The following SLC16A10 variants were observed in gnomAD, a reference collection of about 807,000 sequenced individuals.
SLC16A10 encodes the protein monocarboxylate transporter 10.
A neutral mutation model predicts 40.0 loss-of-function variants in SLC16A10; 27 were observed. The ratio of observed to expected loss-of-function variants is 0.67; its 90% CI spans 0.50 to 0.93. The LOEUF (loss-of-function observed/expected upper bound fraction) is 0.93, where lower values mean the gene tolerates loss of function less well. Among genes scored for constraint, SLC16A10 ranks in the 40% least tolerant of loss-of-function variants. The probability of loss-of-function intolerance (pLI) is 0.00; values close to 1 mark genes in which losing one functional copy is unlikely to be tolerated. For synonymous variants in SLC16A10, 213 were observed against 249.8 expected, an observed-to-expected ratio of 0.85 and a Z score of 1.39; for missense variants, 529 against 658.2, an observed-to-expected ratio of 0.80 and a Z score of 2.15.
At chr6:111,144,780 T>C (rs1443355782) in intron 1 of SLC16A10, among the ~76,000 whole-genome samples, 2 of 152,248 alleles carry the variant, frequency 1.3e-5, no homozygotes, top group African/African-American at 4.8e-5. Context: ...ATACTTTATG[T>C]AGTTTATTGC....
chr6:111,212,176 A>AC (rs1773356270), intron 4 of SLC16A10, among the ~76,000 whole-genome samples: 1 of 151,894 alleles, frequency 6.6e-6, no homozygotes, highest in East Asian at 1.9e-4. Flanking sequence ...AAGCCAGTTC[A>AC]CCCCAGTTCT....
At chr6:111,105,301 C>T (rs183713207) in intron 1 of SLC16A10, among the ~76,000 whole-genome samples, 1 of 152,276 alleles carries the variant, frequency 6.6e-6, no homozygotes, top group Admixed American at 6.5e-5. Flanking sequence ...ACTGAGCCAA[C>T]TACTTCATTC....
At chr6:111,157,255 T>C (rs1369911071) in intron 1 of SLC16A10, among the ~76,000 whole-genome samples, 1 of 151,886 alleles carries the variant, frequency 6.6e-6, no homozygotes, top group Non-Finnish European at 1.5e-5. Flanking sequence ...AAGTTTCACA[T>C]TTTGATCGTA....
intron 5 of SLC16A10, 54 bp from the exon 6 acceptor site, chr6:111,221,949 C>A: frequency 6.5e-7 from 1 of 1,536,646 alleles, no homozygotes; most frequent in Non-Finnish European, 8.7e-7. Flanking sequence ...CTGATCTAGA[C>A]CCCCTACAGA....
At chr6:111,176,655 C>G (rs1332618494) in intron 2 of SLC16A10, among the ~76,000 whole-genome samples, 1 of 152,220 alleles carries the variant, frequency 6.6e-6, no homozygotes, top group Non-Finnish European at 1.5e-5. Context: ...CCAGCAAAAA[C>G]AGGCACAACT....
Position 111,222,687 on chromosome 6 carries a change from C to T in SLC16A10, c.*452C>T. Reference sequence around the variant, plus strand: ...TGGAAACTTTTTGCAAAATTTAAGCCTGGGTTCTAGATAATACCAGATCTA... The same window carrying T: ...TGGAAACTTTTTGCAAAATTTAAGCTTGGGTTCTAGATAATACCAGATCTA... On this transcript the variant is annotated 3_prime_UTR_variant, in exon 6 of 6. Transcript: ENST00000368851. The T allele has an allele frequency of 6.1e-6, 1 of 164,230 alleles. No homozygotes were observed. Among genetic ancestry groups the T allele is most frequent in the Non-Finnish European group, 1.3e-5 (1 of 77,288 alleles). 10.2% of individuals were successfully genotyped at this position (164,230 alleles called of 1,614,324 possible).
At position 111,192,727 on chromosome 6, in the gene SLC16A10, A is replaced by G. The variant is rs147989000; in HGVS notation, c.943-13865A>G. Among the ~76,000 whole-genome samples the G allele has an allele frequency of 6.0e-4, 91 of 152,314 alleles. No individual in the cohort carries two copies. The East Asian group carries it at 0.016, about 27-fold the overall frequency. On this transcript the variant is annotated intron_variant, in intron 3 of 5. Transcript: ENST00000368851. Reference sequence around the variant, plus strand: ...TCACAATCATGGTGGAAGGTGGAGGAGGAGCAAAACCATGTCTTACACGGC... The same window carrying G: ...TCACAATCATGGTGGAAGGTGGAGGGGGAGCAAAACCATGTCTTACACGGC...
chr6:111,118,653 C>A (rs765888478), intron 1 of SLC16A10, among the ~76,000 whole-genome samples: 1 of 147,038 alleles, frequency 6.8e-6, no homozygotes, highest in Non-Finnish European at 1.5e-5. Flanking sequence ...TGCACCCCAG[C>A]CTGGCAACAG....
intron 3 of SLC16A10, among the ~76,000 whole-genome samples, chr6:111,183,640 A>G (rs1279442168): frequency 6.6e-6 from 1 of 152,226 alleles, no homozygotes; most frequent in Non-Finnish European, 1.5e-5. Flanking sequence ...ATTAATATTT[A>G]TTCAATACTT....
intron 1 of SLC16A10, among the ~76,000 whole-genome samples, chr6:111,150,221 C>T (rs1772148999): frequency 6.6e-6 from 1 of 152,200 alleles, no homozygotes; most frequent in African/African-American, 2.4e-5. Flanking sequence ...CTTTCCTTGC[C>T]ACCTCATGCA....
intron 1 of SLC16A10, among the ~76,000 whole-genome samples, chr6:111,138,847 G>C (rs1192372281): frequency 6.6e-6 from 1 of 152,074 alleles, no homozygotes; most frequent in Non-Finnish European, 1.5e-5. Flanking sequence ...CAGTTTTGGG[G>C]CTTATGTATA....
chr6:111,105,358 C>G (rs1423026532), intron 1 of SLC16A10, among the ~76,000 whole-genome samples: 1 of 152,130 alleles, frequency 6.6e-6, no homozygotes, highest in Admixed American at 6.5e-5. Flanking sequence ...AGTATAGATT[C>G]TACTCTTTAA....
chr6:111,092,629 A>C (rs1431921295), intron 1 of SLC16A10, among the ~76,000 whole-genome samples: 1 of 151,076 alleles, frequency 6.6e-6, no homozygotes, highest in East Asian at 2.0e-4. Flanking sequence ...GTCTCTTTTT[A>C]GTTGAATTTT....
At chr6:111,172,502 G>A (rs1323513969) in intron 1 of SLC16A10, among the ~76,000 whole-genome samples, 193 bp from the exon 2 acceptor site, 1 of 152,058 alleles carries the variant, frequency 6.6e-6, no homozygotes, top group Non-Finnish European at 1.5e-5. Flanking sequence ...TAAATACCCA[G>A]TAACTATTAT....
chr6:111,215,968 C>T (rs1403640511), intron 4 of SLC16A10, among the ~76,000 whole-genome samples: 1 of 152,152 alleles, frequency 6.6e-6, no homozygotes. Flanking sequence ...TGCATTCCAG[C>T]CTGGGCAACA....
Position 111,206,706 on chromosome 6 carries a change from G to A in SLC16A10, c.1057G>A (p.Val353Met). 5.0e-6 allele frequency: 8 copies of A among 1,614,188 alleles called. No homozygotes were observed. Among genetic ancestry groups the A allele is most frequent in the Non-Finnish European group, 6.8e-6 (8 of 1,180,036 alleles). The change falls in exon 4 of 6, where the codon GTG becomes ATG. Residue 353 changes from valine to methionine, a missense_variant. Coordinates refer to ENST00000368851, the MANE Select transcript of SLC16A10 (RefSeq NM_018593.5). Reference protein sequence around the residue: ...RLLFGRIADYVPGVKKVYLQV... With the variant: ...RLLFGRIADYMPGVKKVYLQV... ...GCTCTTTGGCCGGATTGCAGATTAT[G>A]TGCCTGGTGTGAAGAAGGTTTATCT...
At chr6:111,130,968 G>A (rs1771770815) in intron 1 of SLC16A10, among the ~76,000 whole-genome samples, 1 of 152,186 alleles carries the variant, frequency 6.6e-6, no homozygotes, top group South Asian at 2.1e-4. Context: ...GTAGGTATGA[G>A]GATTAAATGA....
intron 3 of SLC16A10, among the ~76,000 whole-genome samples, chr6:111,205,465 C>A (rs748483417): frequency 2.8e-4 from 43 of 152,102 alleles, no homozygotes; most frequent in Admixed American, 1.4e-3. Flanking sequence ...GTTATAAGTA[C>A]ACTAAGTGGA....
intron 4 of SLC16A10, among the ~76,000 whole-genome samples, chr6:111,210,259 A>G (rs1014344457): frequency 2.0e-5 from 3 of 152,194 alleles, no homozygotes; most frequent in African/African-American, 4.8e-5. Flanking sequence ...AGGAACTGAG[A>G]GGCTACCTCA....
Sources: allele counts gnomAD v4.1 joint callset (sites outside exome capture counted in the v4.1 genomes callset), GRCh38; gene constraint gnomAD v4.1.1; transcripts MANE v1.5; gene names NCBI Gene and HGNC (gene_info 2026-07-23, HGNC 2026-07-21).